Variants in R3HDM1 observed in about 807,000 individuals in gnomAD.
R3HDM1 encodes the protein R3H domain containing 1.
Under a neutral mutation model 141.1 loss-of-function variants are expected in R3HDM1, and 46 were observed. The observed-to-expected ratio is 0.33, with a 90% CI of 0.26 to 0.42. R3HDM1 has a LOEUF of 0.42. R3HDM1 is among the 10% of genes least tolerant of loss of function. R3HDM1 has a pLI of 1.00. For missense variants in R3HDM1, 1,184 were observed against 1,368.3 expected, an observed-to-expected ratio of 0.87 and a Z score of 2.12; for synonymous variants, 435 against 472.9, an observed-to-expected ratio of 0.92 and a Z score of 1.04.
intron 19 of R3HDM1, among the ~76,000 whole-genome samples, chr2:135,670,793 C>A (rs971243306): frequency 6.6e-6 from 1 of 152,104 alleles, no homozygotes; most frequent in African/African-American, 2.4e-5. Context: ...TGCCGTGGCA[C>A]ACCCCTATAA....
At chr2:135,717,384 T>C (rs939058188) in intron 24 of R3HDM1, among the ~76,000 whole-genome samples, 3 of 151,802 alleles carry the variant, frequency 2.0e-5, no homozygotes, top group African/African-American at 7.3e-5. Flanking sequence ...CTTGGGAGGC[T>C]AAGGCAGGAG....
At chr2:135,717,595 G>A (rs891269658) in intron 24 of R3HDM1, among the ~76,000 whole-genome samples, 12 of 152,088 alleles carry the variant, frequency 7.9e-5, no homozygotes, top group African/African-American at 2.9e-4. Flanking sequence ...GGTGAGGATT[G>A]AAAAATACCT....
rs1553576639 is a variant in R3HDM1, at chr2:135,626,209, G to GTGCGTGCGTGCTTGCT, written c.497+3480_497+3481insGTGCGTGCTTGCTTGC. 7.0e-5 allele frequency among the ~76,000 whole-genome samples: 10 copies of GTGCGTGCGTGCTTGCT among 143,448 alleles called. No homozygotes were observed. The South Asian group carries it at 1.3e-3, about 18-fold the overall frequency. 94.1% of individuals were successfully genotyped at this position (143,448 alleles called of 152,430 possible). A position where few individuals can be genotyped will look rare whatever the true frequency, so the allele number is the denominator to read the frequency against. ...CGTGCGTGCGTGCGTGCGTGCGTGC[G>GTGCGTGCGTGCTTGCT]TGCTTGCTTGCTTGCTTGCTTGCTT... On this transcript the variant is annotated intron_variant, in intron 7 of 26. Transcript: ENST00000683871.
At chr2:135,699,482 G>A (rs1414503112) in intron 21 of R3HDM1, among the ~76,000 whole-genome samples, 1 of 152,196 alleles carries the variant, frequency 6.6e-6, no homozygotes, top group Non-Finnish European at 1.5e-5. Context: ...CAGTGCAGAG[G>A]ATTTCATGGG....
rs75831358 is a variant in R3HDM1 at position 135,673,368 on chromosome 2, A to T, written c.2153-1964A>T. Among the ~76,000 whole-genome samples, 583 of 152,296 alleles carry T rather than the reference A, an allele frequency of 3.8e-3. 16 individuals carry two copies. The highest frequency in any genetic ancestry group is 0.033 in the East Asian group (172 of 5,188). On this transcript the variant is annotated intron_variant, in intron 19 of 26. Coordinates refer to ENST00000683871, the MANE Select transcript of R3HDM1 (RefSeq NM_001378107.1). Reference sequence around the variant, plus strand: ...TATGTGTTGAGGTGGCATTTCCAACACAAAAAAAGGTCTCATGTTCACATT... The same window carrying T: ...TATGTGTTGAGGTGGCATTTCCAACTCAAAAAAAGGTCTCATGTTCACATT...
At chr2:135,612,890 A>G (rs568042274) in intron 3 of R3HDM1, among the ~76,000 whole-genome samples, 1 of 152,252 alleles carries the variant, frequency 6.6e-6, no homozygotes, top group African/African-American at 2.4e-5. Context: ...GTTTACTTTA[A>G]TAAACAACTT....
intron 15 of R3HDM1, chr2:135,645,150 G>T: frequency 2.9e-6 from 1 of 346,768 alleles, no homozygotes. Flanking sequence ...CCCATAATAA[G>T]AAATGCAGTA....
At chr2:135,600,105 T>A (rs1378542040) in intron 1 of R3HDM1, among the ~76,000 whole-genome samples, 1 of 107,712 alleles carries the variant, frequency 9.3e-6, no homozygotes, top group African/African-American at 4.2e-5. Context: ...TTCGTATGAT[T>A]TTTTTTTTTT....
At chr2:135,553,724 C>G (rs545537379) in intron 1 of R3HDM1, among the ~76,000 whole-genome samples, 33 of 152,236 alleles carry the variant, frequency 2.2e-4, no homozygotes, top group Non-Finnish European at 4.4e-4. Flanking sequence ...CGGAGTCTCA[C>G]TCTGTCGCCC....
At chr2:135,638,569 C>T (rs781526997) in intron 11 of R3HDM1, 49 bp from the exon 12 acceptor site, 18 of 1,526,842 alleles carry the variant, frequency 1.2e-5, no homozygotes, top group South Asian at 2.3e-5. Context: ...GATGGCATTA[C>T]GTTATATTTG....
intron 1 of R3HDM1, among the ~76,000 whole-genome samples, chr2:135,571,559 C>T (rs1297854311): frequency 6.6e-6 from 1 of 151,958 alleles, no homozygotes; most frequent in Admixed American, 6.6e-5. Context: ...CTCCTGAGCT[C>T]AGGCAGTTCG....
chr2:135,624,222 T>C (rs1186057681), intron 7 of R3HDM1, among the ~76,000 whole-genome samples: 2 of 151,902 alleles, frequency 1.3e-5, no homozygotes, highest in East Asian at 1.9e-4. Flanking sequence ...AGTGAAACCC[T>C]GTCTCTACTA....
At chr2:135,572,058 C>T (rs1365456122) in intron 1 of R3HDM1, among the ~76,000 whole-genome samples, 1 of 152,184 alleles carries the variant, frequency 6.6e-6, no homozygotes, top group Non-Finnish European at 1.5e-5. Flanking sequence ...CGGGTTCAAG[C>T]AATTCTCCTG....
At chr2:135,545,883 A>T (rs956881465) in intron 1 of R3HDM1, among the ~76,000 whole-genome samples, 1 of 152,230 alleles carries the variant, frequency 6.6e-6, no homozygotes, top group African/African-American at 2.4e-5. Context: ...ACAGACTGAT[A>T]AATCTTAGCT....
intron 2 of R3HDM1, 98 bp downstream of exon 2, chr2:135,602,806 T>G: frequency 9.8e-7 from 1 of 1,020,058 alleles, no homozygotes; most frequent in East Asian, 2.9e-5. Context: ...CACCACCCTC[T>G]CCCTACTTTG....
chr2:135,712,253 C>T (rs2075728993), intron 23 of R3HDM1, among the ~76,000 whole-genome samples: 1 of 152,028 alleles, frequency 6.6e-6, no homozygotes, highest in Non-Finnish European at 1.5e-5. Context: ...CAGCTTACTG[C>T]AGCCTCAACC....
chr2:135,673,899 G>T (rs184430479), intron 19 of R3HDM1, among the ~76,000 whole-genome samples: 1 of 151,972 alleles, frequency 6.6e-6, no homozygotes, highest in Non-Finnish European at 1.5e-5. Flanking sequence ...AGGGTCTTGC[G>T]CTGTCGCTTA....
chr2:135,575,772 A>C (rs1705284385), intron 1 of R3HDM1, among the ~76,000 whole-genome samples: 1 of 152,196 alleles, frequency 6.6e-6, no homozygotes, highest in African/African-American at 2.4e-5. Flanking sequence ...TCATAAAATT[A>C]GATTTGAATA....
intron 1 of R3HDM1, among the ~76,000 whole-genome samples, chr2:135,544,504 T>C (rs973560981): frequency 2.0e-5 from 3 of 152,088 alleles, no homozygotes; most frequent in African/African-American, 7.2e-5. Context: ...ACAAATGTTA[T>C]TGAACAAGTA....
Sources: gnomAD v4.1 joint callset for allele counts (sites outside exome capture counted in the v4.1 genomes callset) on GRCh38, gnomAD v4.1.1 for gene constraint, MANE v1.5 for transcripts, NCBI Gene and HGNC (gene_info 2026-07-23, HGNC 2026-07-21) for gene names.